The following HS6ST2 variants were observed in gnomAD, a reference collection of about 807,000 sequenced individuals.
HS6ST2 encodes heparan sulfate 6-O-sulfotransferase 2.
In HS6ST2, 17 loss-of-function variants were observed where a neutral mutation model predicts 33.0. That is an observed-to-expected ratio of 0.52 (90% CI 0.35 to 0.77). HS6ST2 has a LOEUF of 0.77. Among genes scored for constraint, HS6ST2 ranks in the 30% least tolerant of loss-of-function variants. HS6ST2 has a pLI of 0.01. For missense variants in HS6ST2, 519 were observed against 551.7 expected, an observed-to-expected ratio of 0.94 and a Z score of 0.59; for synonymous variants, 248 against 237.1, an observed-to-expected ratio of 1.05 and a Z score of -0.42.
intron 2 of HS6ST2, among the ~76,000 whole-genome samples, chrX:132,769,147 T>C (rs1238641029): frequency 8.9e-6 from 1 of 112,056 alleles, no homozygotes; most frequent in Non-Finnish European, 1.9e-5. Context: ...TGTGTAGCAA[T>C]AGAATAGCTT....
intron 4 of HS6ST2, among the ~76,000 whole-genome samples, chrX:132,660,269 T>C (rs2063761818): frequency 9.0e-6 from 1 of 111,537 alleles, no homozygotes; most frequent in Non-Finnish European, 1.9e-5. Context: ...AAGAATTTAA[T>C]CCTCAAGAAA....
At position 132,958,438 on chromosome X, in the gene HS6ST2, A is replaced by G; in HGVS notation, c.165T>C (p.Pro55=). The G allele has an allele frequency of 2.5e-6, 3 of 1,199,540 alleles. No individual in the cohort carries two copies. The highest frequency in any genetic ancestry group is 3.4e-6 in the Non-Finnish European group (3 of 891,957). The part of the protein sequence containing the change: ...SVAASVRAGP[P]RGVSHGFHTR... ...TGTGGAATCCGTGAGACACACCCCT[A>G]GGAGGGCCCGCGCGAACTGAGGCGG... is the stretch of plus-strand genomic sequence containing the variant. Residue 55 remains proline (P), a synonymous_variant, in exon 1 of 5, where the codon CCT becomes CCC. Coordinates refer to ENST00000370833, the MANE Select transcript of HS6ST2 (RefSeq NM_001394073.1).
chrX:132,818,942 G>A (rs182770473), intron 2 of HS6ST2, among the ~76,000 whole-genome samples: 169 of 111,892 alleles, frequency 1.5e-3, no homozygotes, highest in Non-Finnish European at 2.2e-3. Flanking sequence ...GATTCTGACA[G>A]GTGAAAGACA....
rs2063489461 is a variant in HS6ST2, at chrX:132,627,806, C to G, written c.*417G>C. ...TTTATGTTTATACTTATTCTCACCC[C>G]TGGAAAAAATATTTGATTCCAAGAT... On this transcript the variant is annotated 3_prime_UTR_variant, in exon 5 of 5. Transcript: ENST00000370833. 8.7e-6 allele frequency: 1 copy of G among 115,429 alleles called. No homozygotes were observed. Among genetic ancestry groups the G allele is most frequent in the South Asian group, 3.6e-4 (1 of 2,802 alleles). 9.5% of individuals were successfully genotyped at this position (115,429 alleles called of 1,213,427 possible).
At chrX:132,866,018 A>G (rs1456799898) in intron 2 of HS6ST2, among the ~76,000 whole-genome samples, 2 of 111,438 alleles carry the variant, frequency 1.8e-5, no homozygotes, top group South Asian at 7.5e-4. Context: ...CTTTTGTTGC[A>G]GTTGCTTTTG....
At chrX:132,741,101 G>T (rs994031115) in intron 2 of HS6ST2, among the ~76,000 whole-genome samples, 1 of 111,356 alleles carries the variant, frequency 9.0e-6, no homozygotes, top group African/African-American at 3.3e-5. Flanking sequence ...AGATGGAGTC[G>T]GGTGGATGCT....
intron 3 of HS6ST2, among the ~76,000 whole-genome samples, chrX:132,707,761 C>T (rs2064198198): frequency 1.8e-5 from 2 of 111,947 alleles, no homozygotes; most frequent in East Asian, 5.6e-4. Flanking sequence ...ACTTATGGTT[C>T]TTGCTAGACT....
intron 2 of HS6ST2, among the ~76,000 whole-genome samples, chrX:132,889,497 G>C (rs2066285622): frequency 9.0e-6 from 1 of 111,106 alleles, no homozygotes; most frequent in Admixed American, 9.6e-5. Flanking sequence ...AATGAGTCCT[G>C]GGAATACCAA....
intron 2 of HS6ST2, among the ~76,000 whole-genome samples, chrX:132,744,761 A>G (rs1468805217): frequency 1.8e-5 from 2 of 111,540 alleles, no homozygotes; most frequent in Non-Finnish European, 3.8e-5. Flanking sequence ...TCAAACCTCA[A>G]AAGCCCCAAA....
chrX:132,884,591 C>G (rs770184476), intron 2 of HS6ST2, among the ~76,000 whole-genome samples: 1 of 112,072 alleles, frequency 8.9e-6, no homozygotes, highest in South Asian at 3.8e-4. Flanking sequence ...TAATCTGGGG[C>G]ATAGAGAGTG....
At chrX:132,795,313 T>C (rs2065165922) in intron 2 of HS6ST2, among the ~76,000 whole-genome samples, 1 of 111,893 alleles carries the variant, frequency 8.9e-6, no homozygotes, top group East Asian at 2.8e-4. Flanking sequence ...GTCTCCATGG[T>C]TTATCCATGG....
intron 2 of HS6ST2, among the ~76,000 whole-genome samples, chrX:132,733,309 C>T (rs1009462402): frequency 3.6e-5 from 4 of 110,108 alleles, no homozygotes; most frequent in African/African-American, 1.3e-4. Flanking sequence ...AATACATGAC[C>T]AAGATATATT....
chrX:132,771,503 A>G (rs1231779294), intron 2 of HS6ST2, among the ~76,000 whole-genome samples: 1 of 111,912 alleles, frequency 8.9e-6, no homozygotes, highest in African/African-American at 3.2e-5. Context: ...TTTTTCCCAC[A>G]GCATGACAAG....
At chrX:132,900,309 G>A (rs939279946) in intron 2 of HS6ST2, among the ~76,000 whole-genome samples, 1 of 111,617 alleles carries the variant, frequency 9.0e-6, no homozygotes. Flanking sequence ...ACACCAGATG[G>A]GATGCTGGAG....
At chrX:132,686,697 C>T (rs757027228) in intron 3 of HS6ST2, among the ~76,000 whole-genome samples, 13 of 111,365 alleles carry the variant, frequency 1.2e-4, no homozygotes, top group Non-Finnish European at 2.4e-4. Flanking sequence ...ATAATCCAAG[C>T]TTGCCACCTG....
At chrX:132,751,860 CCAAG>C (rs1418216665) in intron 2 of HS6ST2, among the ~76,000 whole-genome samples, 2 of 112,216 alleles carry the variant, frequency 1.8e-5, no homozygotes, top group African/African-American at 6.5e-5. Flanking sequence ...TACCCCAGTC[CCAAG>C]CTTCAGAGTT....
chrX:132,853,186 C>T (rs1476764980), intron 2 of HS6ST2, among the ~76,000 whole-genome samples: 1 of 111,796 alleles, frequency 8.9e-6, no homozygotes, highest in Non-Finnish European at 1.9e-5. Flanking sequence ...GTGTCTCCTG[C>T]TGTGTCACCC....
chrX:132,911,695 G>T (rs1358271603), intron 2 of HS6ST2, among the ~76,000 whole-genome samples: 2 of 16 alleles, frequency 0.12, no homozygotes, highest in Non-Finnish European at 0.25. Context: ...CTGGAGTGCA[G>T]TGGCCCATCT....
Position 132,956,800 on chromosome X carries a change from G to A in HS6ST2, c.947+8C>T, listed in dbSNP as rs1196747171. 22 of 1,154,591 alleles carry A rather than the reference G, an allele frequency of 1.9e-5. No homozygotes were observed. Among genetic ancestry groups the A allele is most frequent in the Non-Finnish European group, 2.5e-5 (22 of 864,405 alleles). ...CCGGGTCCCGCTCGACTACCGGCGC[G>A]CACTCACCTGGACGGTCTCAGCCTG... On this transcript the variant is annotated splice_region_variant and intron_variant, in intron 2 of 4. Coordinates refer to ENST00000370833, the MANE Select transcript of HS6ST2 (RefSeq NM_001394073.1).
Sources: allele counts gnomAD v4.1 joint callset (sites outside exome capture counted in the v4.1 genomes callset), GRCh38; gene constraint gnomAD v4.1.1; transcripts MANE v1.5; gene names NCBI Gene and HGNC (gene_info 2026-07-23, HGNC 2026-07-21).